Variants in UBE2K observed in about 807,000 individuals in gnomAD.
UBE2K encodes ubiquitin conjugating enzyme E2 K.
Under a neutral mutation model 30.0 loss-of-function variants are expected in UBE2K, and 6 were observed. The observed-to-expected ratio is 0.20, with a 90% confidence interval of 0.11 to 0.39. The LOEUF (loss-of-function observed/expected upper bound fraction) is 0.39, where lower values mean the gene tolerates loss of function less well. UBE2K is among the 10% of genes least tolerant of loss of function. The pLI, the probability that UBE2K is intolerant of heterozygous loss-of-function variation, is 1.00. For synonymous variants in UBE2K, 86 were observed against 83.7 expected (o/e 1.03, Z -0.15); for missense variants, 61 against 241.6 (o/e 0.25, Z 4.96).
intron 2 of UBE2K, among the ~76,000 whole-genome samples, chr4:39,745,262 T>C (rs561425020): frequency 1.3e-5 from 2 of 152,380 alleles, no homozygotes; most frequent in East Asian, 3.9e-4. Flanking sequence ...AATGAAAAGA[T>C]TGGGACCTTA....
chr4:39,766,218 G>A (rs1023836105), intron 4 of UBE2K, among the ~76,000 whole-genome samples: 1 of 151,442 alleles, frequency 6.6e-6, no homozygotes, highest in Non-Finnish European at 1.5e-5. Flanking sequence ...CTGCCATACT[G>A]TTTCCCATAG....
chr4:39,708,228 T>G (rs754816719), intron 1 of UBE2K, among the ~76,000 whole-genome samples: 1 of 152,060 alleles, frequency 6.6e-6, no homozygotes, highest in Non-Finnish European at 1.5e-5. Flanking sequence ...AACTTTTCTT[T>G]AGGCACATGA....
chr4:39,724,667 G>A (rs552504281), intron 1 of UBE2K, among the ~76,000 whole-genome samples: 113 of 151,802 alleles, frequency 7.4e-4, no homozygotes, highest in African/African-American at 2.6e-3. Context: ...TACTTGGGGG[G>A]GCTGAGGCAG....
chr4:39,704,413 TA>T (rs199989246), intron 1 of UBE2K, among the ~76,000 whole-genome samples: 2 of 151,926 alleles, frequency 1.3e-5, no homozygotes, highest in Admixed American at 6.6e-5. Context: ...TAGATTGGGT[TA>T]AAAAAAATCA....
chr4:39,714,542 A>ATTTTTTTTTTTT (rs1275060030), intron 1 of UBE2K: 6 of 20,194 alleles, frequency 3.0e-4, no homozygotes, highest in East Asian at 2.9e-3. Context: ...ATATATATAT[A>ATTTTTTTTTTTT]TATATATATT....
At chr4:39,770,276 G>A (rs1578503854) in intron 4 of UBE2K, 2 of 1,611,530 alleles carry the variant, frequency 1.2e-6, no homozygotes, top group East Asian at 2.2e-5. Context: ...TCTGTGTGAA[G>A]CACTTGCCGC....
chr4:39,770,038 C>T (rs1712665546), intron 4 of UBE2K: 8 of 1,483,054 alleles, frequency 5.4e-6, no homozygotes, highest in African/African-American at 1.4e-5. Flanking sequence ...CTTTCCCCAC[C>T]TAGCCCAGGG....
intron 1 of UBE2K, among the ~76,000 whole-genome samples, chr4:39,728,027 A>G (rs1719851597): frequency 6.6e-6 from 1 of 152,108 alleles, no homozygotes; most frequent in Non-Finnish European, 1.5e-5. Context: ...CCAGCTACTC[A>G]GGAGGTTGAG....
Position 39,780,476 on chromosome 4 carries a change from C to T in UBE2K, c.*2042C>T, listed in dbSNP as rs1212599133. On this transcript the variant is annotated 3_prime_UTR_variant, in exon 7 of 7. Transcript: ENST00000261427. ...AGGTTTCTAAAGGTCAAGCATTTTA[C>T]ATATATACATACATACATGCTCTTG... The T allele has an allele frequency of 6.6e-6, 1 of 152,058 alleles. No homozygotes were observed. The highest frequency in any genetic ancestry group is 2.4e-5 in the African/African-American group (1 of 41,420). 9.4% of individuals were successfully genotyped at this position (152,058 alleles called of 1,614,324 possible).
At chr4:39,739,586 A>G (rs1720567827) in intron 2 of UBE2K, among the ~76,000 whole-genome samples, 1 of 151,294 alleles carries the variant, frequency 6.6e-6, no homozygotes, top group South Asian at 2.1e-4. Context: ...AGCTGGTACT[A>G]CAGGCGCCCG....
chr4:39,703,495 A>C (rs1718151622), intron 1 of UBE2K, among the ~76,000 whole-genome samples: 1 of 152,106 alleles, frequency 6.6e-6, no homozygotes, highest in Non-Finnish European at 1.5e-5. Flanking sequence ...CCTGGGCATC[A>C]GCGAGACCCT....
intron 4 of UBE2K, among the ~76,000 whole-genome samples, chr4:39,760,116 G>T (rs1711795010): frequency 7.6e-6 from 1 of 131,846 alleles, no homozygotes; most frequent in African/African-American, 2.9e-5. Flanking sequence ...GGCAGAGGTT[G>T]CAGTGAGCCG....
chr4:39,777,209 T>C (rs2109417875), intron 5 of UBE2K, among the ~76,000 whole-genome samples: 1 of 152,354 alleles, frequency 6.6e-6, no homozygotes, highest in East Asian at 1.9e-4. Context: ...CATAAATCAC[T>C]GTACACTAAT....
chr4:39,734,673 A>G (rs968197679), intron 1 of UBE2K, among the ~76,000 whole-genome samples: 35 of 152,046 alleles, frequency 2.3e-4, no homozygotes, highest in Admixed American at 2.3e-3. Flanking sequence ...TTAGCCAGGC[A>G]TGGTGGTGCA....
chr4:39,777,661 T>C (rs1713354691), intron 5 of UBE2K, 21 bp from the exon 6 acceptor site: 1 of 1,528,092 alleles, frequency 6.5e-7, no homozygotes, highest in African/African-American at 1.4e-5. Flanking sequence ...GTCATGTCAA[T>C]CAATTTTTCC....
chr4:39,706,370 G>T (rs1718364942), intron 1 of UBE2K, among the ~76,000 whole-genome samples: 1 of 151,486 alleles, frequency 6.6e-6, no homozygotes, highest in Non-Finnish European at 1.5e-5. Flanking sequence ...CATTGTATTG[G>T]CCAGGCTGGT....
chr4:39,726,998 C>T (rs756968996), intron 1 of UBE2K, among the ~76,000 whole-genome samples: 18 of 152,224 alleles, frequency 1.2e-4, no homozygotes, highest in Non-Finnish European at 2.1e-4. Context: ...CTTTAACATA[C>T]AAGGACATTT....
intron 1 of UBE2K, 113 bp downstream of exon 1, chr4:39,698,503 T>G (rs1717822320): frequency 1.0e-6 from 1 of 961,492 alleles, no homozygotes; most frequent in Non-Finnish European, 1.6e-6. Context: ...GCGGCCGCCC[T>G]TCTGCCTGTG....
intron 4 of UBE2K, among the ~76,000 whole-genome samples, chr4:39,772,063 C>T (rs1453663944): frequency 6.6e-6 from 1 of 152,184 alleles, no homozygotes; most frequent in African/African-American, 2.4e-5. Flanking sequence ...TCTCAAACTC[C>T]TGGCCTCAAG....
Sources: gnomAD v4.1 joint callset for allele counts (sites outside exome capture counted in the v4.1 genomes callset) on GRCh38, gnomAD v4.1.1 for gene constraint, MANE v1.5 for transcripts, NCBI Gene and HGNC (gene_info 2026-07-23, HGNC 2026-07-21) for gene names.